Variants in ADGRL3 observed in about 807,000 individuals in gnomAD.
The protein encoded by ADGRL3 is adhesion G protein-coupled receptor L3.
A neutral mutation model predicts 153.5 loss-of-function variants in ADGRL3; 62 were observed. The ratio of observed to expected loss-of-function variants is 0.40; its 90% CI spans 0.33 to 0.50. The LOEUF is 0.50. Ranked by LOEUF, ADGRL3 falls within the 20% of genes least tolerant of loss-of-function variation. The probability of loss-of-function intolerance (pLI) is 0.47; values close to 1 mark genes in which losing one functional copy is unlikely to be tolerated. For missense variants in ADGRL3, 1,641 were observed against 1,859.4 expected (o/e 0.88, Z 2.16); for synonymous variants, 710 against 672.5 (o/e 1.06, Z -0.86).
intron 8 of ADGRL3, among the ~76,000 whole-genome samples, chr4:61,792,495 TA>T (rs1181041118): frequency 7.3e-5 from 7 of 95,256 alleles, no homozygotes; most frequent in Admixed American, 1.1e-4. Context: ...TTTATTTTAT[TA>T]TTTTTTTTTT....
At chr4:61,607,457 G>A (rs951404388) in intron 5 of ADGRL3, among the ~76,000 whole-genome samples, 5 of 152,008 alleles carry the variant, frequency 3.3e-5, no homozygotes, top group Admixed American at 1.3e-4. Context: ...AAAATTAGCC[G>A]GGTGTGGTGG....
intron 4 of ADGRL3, among the ~76,000 whole-genome samples, chr4:61,519,004 A>G (rs1270621104): frequency 6.6e-6 from 1 of 152,168 alleles, no homozygotes; most frequent in East Asian, 1.9e-4. Flanking sequence ...ATATATAATG[A>G]ATATTAGTTA....
intron 8 of ADGRL3, among the ~76,000 whole-genome samples, chr4:61,748,083 A>AAT (rs2096695285): frequency 6.6e-6 from 1 of 151,524 alleles, no homozygotes; most frequent in South Asian, 2.1e-4. Context: ...CAGAGAGCCA[A>AAT]ATCATGAGTG....
intron 9 of ADGRL3, among the ~76,000 whole-genome samples, chr4:61,858,740 A>G (rs889904391): frequency 6.6e-6 from 1 of 152,258 alleles, no homozygotes; most frequent in Admixed American, 6.5e-5. Flanking sequence ...ACAAAATGGA[A>G]AAAACATTCC....
At chr4:61,420,489 C>T (rs140249015) in intron 2 of ADGRL3, 1 of 135,074 alleles carries the variant, frequency 7.4e-6, no homozygotes, top group African/African-American at 2.8e-5. Flanking sequence ...TCACTGAAAG[C>T]TCCGCCTCCC....
At chr4:61,339,061 A>G (rs367915547) in intron 1 of ADGRL3, among the ~76,000 whole-genome samples, 1 of 152,116 alleles carries the variant, frequency 6.6e-6, no homozygotes, top group African/African-American at 2.4e-5. Flanking sequence ...CTCATAGACC[A>G]CTAATAGAGT....
chr4:62,002,253 C>G (rs879480815), intron 21 of ADGRL3, among the ~76,000 whole-genome samples: 4 of 147,380 alleles, frequency 2.7e-5, no homozygotes, highest in Non-Finnish European at 6.0e-5. Context: ...TTAAACCTCC[C>G]TGATCTAGTT....
chr4:62,055,232 T>C (rs751129879), intron 25 of ADGRL3, among the ~76,000 whole-genome samples: 3 of 151,828 alleles, frequency 2.0e-5, no homozygotes, highest in Non-Finnish European at 4.4e-5. Context: ...TCTTCGGATT[T>C]GTATGTTAAA....
intron 8 of ADGRL3, among the ~76,000 whole-genome samples, chr4:61,790,279 C>T (rs866274759): frequency 2.6e-5 from 4 of 152,044 alleles, no homozygotes; most frequent in Non-Finnish European, 5.9e-5. Flanking sequence ...AAACAAAGTT[C>T]TAAACCAAAT....
At chr4:61,373,149 A>G (rs1159664495) in intron 1 of ADGRL3, among the ~76,000 whole-genome samples, 3 of 152,088 alleles carry the variant, frequency 2.0e-5, no homozygotes, top group South Asian at 2.1e-4. Flanking sequence ...AGTGAGATGA[A>G]CCCGGTACCT....
intron 2 of ADGRL3, among the ~76,000 whole-genome samples, chr4:61,480,962 A>G (rs896146021): frequency 6.6e-6 from 1 of 152,166 alleles, no homozygotes; most frequent in East Asian, 1.9e-4. Context: ...CAATCACTCT[A>G]AAAGACATTG....
intron 4 of ADGRL3, among the ~76,000 whole-genome samples, chr4:61,517,816 A>T (rs2098506729): frequency 6.6e-6 from 1 of 152,174 alleles, no homozygotes; most frequent in African/African-American, 2.4e-5. Flanking sequence ...TTTTAGTGAC[A>T]CTTTCAACTC....
At position 61,948,259 on chromosome 4, in the gene ADGRL3, G is replaced by A. The variant is rs375037934; in HGVS notation, c.2788G>A (p.Ala930Thr). Residue 930 changes from alanine (A) to threonine (T), a missense_variant, in exon 17 of 27, where the codon GCA becomes ACA. Around this residue, in one of 5 missense-constraint regions of ADGRL3, gnomAD observed 734 missense variants for 797.0 expected, o/e 0.92. Coordinates refer to ENST00000683033, the MANE Select transcript of ADGRL3 (RefSeq NM_001387552.1). Reference sequence around the variant, plus strand: ...CCTAACAAATTTTGCAGTACTGATGGCACATGTGGAAGTTAAGGTAAGATA... The same window carrying A: ...CCTAACAAATTTTGCAGTACTGATGACACATGTGGAAGTTAAGGTAAGATA... The part of the protein sequence containing the change: ...NHLTNFAVLM[A>T]HVEVKHSDAV... 1.9e-6 allele frequency: 3 copies of A among 1,613,376 alleles called. No homozygotes were observed. The African/African-American group carries it at 4.0e-5, about 22-fold the overall frequency.
chr4:61,620,588 C>G (rs1049170440), intron 5 of ADGRL3, among the ~76,000 whole-genome samples: 1 of 148,324 alleles, frequency 6.7e-6, no homozygotes, highest in African/African-American at 2.5e-5. Context: ...AACAATTTAG[C>G]TGGCTTTTCT....
chr4:61,654,840 T>C (rs1190173873), intron 5 of ADGRL3, among the ~76,000 whole-genome samples: 1 of 148,612 alleles, frequency 6.7e-6, no homozygotes, highest in East Asian at 2.0e-4. Context: ...GAGGTTGCAG[T>C]GAGCCGAGAT....
intron 9 of ADGRL3, among the ~76,000 whole-genome samples, chr4:61,881,669 C>T (rs1254322974): frequency 3.3e-5 from 5 of 152,180 alleles, no homozygotes; most frequent in African/African-American, 7.2e-5. Flanking sequence ...TGAGCCACCA[C>T]GCCTGGCTAA....
At chr4:61,739,567 G>T (rs1273327848) in intron 8 of ADGRL3, among the ~76,000 whole-genome samples, 1 of 152,134 alleles carries the variant, frequency 6.6e-6, no homozygotes, top group Non-Finnish European at 1.5e-5. Flanking sequence ...TGGATAAATG[G>T]ACTATGTTTT....
chr4:61,551,187 T>G (rs2098738770), intron 4 of ADGRL3, among the ~76,000 whole-genome samples: 1 of 152,144 alleles, frequency 6.6e-6, no homozygotes, highest in Non-Finnish European at 1.5e-5. Context: ...GAACCAGGCC[T>G]TGAGACAAGT....
intron 2 of ADGRL3, among the ~76,000 whole-genome samples, chr4:61,465,773 A>T (rs2097873774): frequency 6.8e-6 from 1 of 146,074 alleles, no homozygotes; most frequent in African/African-American, 2.5e-5. Context: ...ATATATATAT[A>T]TATATCTTAT....
Sources: allele counts gnomAD v4.1 joint callset (sites outside exome capture counted in the v4.1 genomes callset), GRCh38; gene constraint gnomAD v4.1.1; regional missense constraint gnomAD v4.1.1; transcripts MANE v1.5; gene names NCBI Gene and HGNC (gene_info 2026-07-23, HGNC 2026-07-21).